CACNA1H: variants seen among roughly 807,000 people sequenced by gnomAD.
The protein encoded by CACNA1H is voltage-dependent T-type calcium channel subunit alpha-1H.
Under a neutral mutation model 192.5 loss-of-function variants are expected in CACNA1H, and 149 were observed. The observed-to-expected ratio is 0.77, with a 90% confidence interval of 0.68 to 0.89. The LOEUF (loss-of-function observed/expected upper bound fraction) is 0.89. CACNA1H is among the 40% of genes least tolerant of loss of function. The pLI is 0.00. For synonymous variants in CACNA1H, 2,202 were observed against 1,475.2 expected (o/e 1.49, Z -11.29); for missense variants, 4,257 against 3,423.5 (o/e 1.24, Z -6.08).
At position 1,167,803 on chromosome 16, in the gene CACNA1H, G is replaced by C. The variant is rs1963947990; in HGVS notation, c.299+13767G>C. ...CGGGACACCTGGAGCTGTGGCGCTGGTGTGTGCTTAGAAAGTGCACCTGCG... is the reference window on the plus strand; with the variant it reads ...CGGGACACCTGGAGCTGTGGCGCTGCTGTGTGCTTAGAAAGTGCACCTGCG... On this transcript the variant is annotated intron_variant, in intron 2 of 34. Transcript: ENST00000348261. This position sits in a 1 kb window ranked among gnomAD's most constrained non-coding sequence, Gnocchi z 4.2. 6.6e-6 allele frequency among the ~76,000 whole-genome samples: 1 copy of C among 152,224 alleles called. No individual in the cohort carries two copies. Among genetic ancestry groups the C allele is most frequent in the Non-Finnish European group, 1.5e-5 (1 of 68,038 alleles).
chr16:1,195,935 G>A lies in CACNA1H; in HGVS notation c.555G>A (p.Glu185=), dbSNP rs61700478. Residue 185 remains glutamate, a synonymous_variant, in exon 5 of 35, where the codon GAG becomes GAA. Coordinates refer to ENST00000348261, the MANE Select transcript of CACNA1H (RefSeq NM_021098.3). The part of the protein sequence containing the change: ...DFFIVVAGMM[E]YSLDGHNVSL... ...TCGGCCCCGCCCCCAGCATGATGGA[G>A]TACTCGTTGGACGGACACAACGTGA... 261 of 1,612,948 alleles carry A rather than the reference G, an allele frequency of 1.6e-4. No individual in the cohort carries two copies. The highest frequency in any genetic ancestry group is 5.5e-4 in the African/African-American group (41 of 75,036).
At chr16:1,215,981 C>T (rs983093963) in intron 30 of CACNA1H, among the ~76,000 whole-genome samples, 1 of 152,088 alleles carries the variant, frequency 6.6e-6, no homozygotes, top group Non-Finnish European at 1.5e-5. Flanking sequence ...CCCACATGGG[C>T]CCAGCCTCCC....
At chr16:1,191,706 C>T (rs376515320) in intron 2 of CACNA1H, among the ~76,000 whole-genome samples, 71 of 110,746 alleles carry the variant, frequency 6.4e-4, no homozygotes, top group Admixed American at 1.0e-3. Flanking sequence ...CAGGCACACT[C>T]GGGGTCTCTG....
chr16:1,185,145 A>G (rs956222529), intron 2 of CACNA1H, among the ~76,000 whole-genome samples: 2 of 152,066 alleles, frequency 1.3e-5, no homozygotes, highest in African/African-American at 2.4e-5. Context: ...TCCCAGCATC[A>G]TGTTCCCGGG....
intron 2 of CACNA1H, among the ~76,000 whole-genome samples, chr16:1,168,889 T>C (rs1283339592): frequency 2.0e-5 from 3 of 151,734 alleles, no homozygotes; most frequent in Non-Finnish European, 4.4e-5. Flanking sequence ...CCGCAGGGGG[T>C]GCCCCGCTCT....
intron 2 of CACNA1H, among the ~76,000 whole-genome samples, chr16:1,164,269 T>C (rs976911660): frequency 6.6e-6 from 1 of 152,120 alleles, no homozygotes; most frequent in African/African-American, 2.4e-5. Flanking sequence ...GTTGCAGGGG[T>C]GCAGTCCAAG....
At chr16:1,176,470 C>T (rs552732435) in intron 2 of CACNA1H, among the ~76,000 whole-genome samples, 1 of 152,350 alleles carries the variant, frequency 6.6e-6, no homozygotes, top group South Asian at 2.1e-4. Context: ...TCTCTTTCTG[C>T]AGGTGGGCAT....
chr16:1,157,348 T>C (rs1406446489), intron 2 of CACNA1H, among the ~76,000 whole-genome samples: 1 of 152,156 alleles, frequency 6.6e-6, no homozygotes, highest in African/African-American at 2.4e-5. Context: ...GGGAAGGATA[T>C]ATCAAGGTCA....
chr16:1,154,061 C>T (rs1452134251), intron 2 of CACNA1H, 25 bp downstream of exon 2: 818 of 53,562 alleles, frequency 0.015, 1 homozygote, highest in Admixed American at 0.022. Flanking sequence ...CGGCGGGGGG[C>T]GGGGGGCGGG....
chr16:1,218,675 T>A (rs753009982), intron 33 of CACNA1H, 24 bp downstream of exon 33: 121 of 1,284,212 alleles, frequency 9.4e-5, no homozygotes, highest in Non-Finnish European at 1.2e-4. Context: ...CAGGAAGATA[T>A]GGGCTGGGTG....
intron 12 of CACNA1H, 22 bp downstream of exon 12, chr16:1,206,311 G>A: frequency 6.5e-7 from 1 of 1,544,510 alleles, no homozygotes; most frequent in African/African-American, 1.4e-5. Context: ...CCCCCTCCCG[G>A]CCCGCCCAGT....
chr16:1,212,288 G>A (rs2141354578), intron 25 of CACNA1H, 150 bp downstream of exon 25: 1 of 1,293,258 alleles, frequency 7.7e-7, no homozygotes, highest in East Asian at 2.5e-5. Context: ...GGGCCTTGGA[G>A]GGGCTGGCCC....
chr16:1,211,407 C>T, intron 22 of CACNA1H, 74 bp from the exon 23 acceptor site: 2 of 1,607,506 alleles, frequency 1.2e-6, no homozygotes, highest in Non-Finnish European at 1.7e-6. Context: ...TCGGGCCTCA[C>T]TCGCGCCCCA....
At chr16:1,188,736 G>T (rs2151798265) in intron 2 of CACNA1H, among the ~76,000 whole-genome samples, 1 of 152,336 alleles carries the variant, frequency 6.6e-6, no homozygotes, top group Non-Finnish European at 1.5e-5. Flanking sequence ...ACGGGGGTCA[G>T]TGGAGCAGCT....
intron 18 of CACNA1H, 40 bp from the exon 19 acceptor site, chr16:1,210,330 G>GCCCCCCCCCCCCCCCCCCCCCCCCCC: frequency 7.1e-7 from 1 of 1,407,116 alleles, no homozygotes; most frequent in Non-Finnish European, 9.7e-7. Context: ...TGCCATCCAC[G>GCCCCCCCCCCCCCCCCCCCCCCCCCC]CCGCCCCGCC....
rs1463153192 is a variant in CACNA1H, at chr16:1,180,114, G to A, written c.300-14858G>A. Among the ~76,000 whole-genome samples the A allele has an allele frequency of 4.6e-5, 7 of 152,224 alleles. No individual in the cohort carries two copies. The highest frequency in any genetic ancestry group is 7.3e-5 in the Non-Finnish European group (5 of 68,048). On this transcript the variant is annotated intron_variant, in intron 2 of 34. Transcript: ENST00000348261. This position sits in a 1 kb window ranked among gnomAD's most constrained non-coding sequence, Gnocchi z 4.4. ...CTCTGCAGGCACAGGGCTGAGGGGCGTCGTGTGGATGGACGGCCAGCCCGT... is the reference window on the plus strand; with the variant it reads ...CTCTGCAGGCACAGGGCTGAGGGGCATCGTGTGGATGGACGGCCAGCCCGT...
rs181195411 is a variant in CACNA1H, at chr16:1,181,287, C to G, written c.300-13685C>G. Reference sequence around the variant, plus strand: ...GAGAGGAGCTCTCACCCGGCATGGCCGGCCCCTCCACCTCCCACTCCACTG... The same window carrying G: ...GAGAGGAGCTCTCACCCGGCATGGCGGGCCCCTCCACCTCCCACTCCACTG... On this transcript the variant is annotated intron_variant, in intron 2 of 34. Coordinates refer to ENST00000348261, the MANE Select transcript of CACNA1H (RefSeq NM_021098.3). 6.5e-3 allele frequency among the ~76,000 whole-genome samples: 984 copies of G among 152,346 alleles called. 8 individuals are homozygous for G. Among genetic ancestry groups the G allele is most frequent in the Non-Finnish European group, 0.011 (734 of 68,020 alleles).
intron 11 of CACNA1H, among the ~76,000 whole-genome samples, chr16:1,205,726 A>G (rs988572268): frequency 1.3e-5 from 2 of 152,190 alleles, no homozygotes; most frequent in Non-Finnish European, 2.9e-5. Flanking sequence ...CTCATCCCTC[A>G]AGAGTAGAGA....
rs60537026 is a variant in CACNA1H at position 1,201,875 on chromosome 16, C to T, written c.1425C>T (p.Ser475=). Residue 475 remains serine, a synonymous_variant, in exon 9 of 35, where the codon AGC becomes AGT. Coordinates refer to ENST00000348261, the MANE Select transcript of CACNA1H (RefSeq NM_021098.3). ...GHIFRKVKRR[S]LRLYARWQSR... ...TATTCCGCAAGGTCAAGCGGCGCAG[C>T]TTGCGCCTCTACGCCCGCTGGCAGA... 1.3e-4 allele frequency: 196 copies of T among 1,554,472 alleles called. No homozygotes were observed. In the African/African-American group the frequency reaches 2.5e-3, roughly 20 times the overall value.
Sources: allele counts gnomAD v4.1 joint callset (sites outside exome capture counted in the v4.1 genomes callset), GRCh38; gene constraint gnomAD v4.1.1; non-coding constraint Gnocchi (gnomAD v3.1); transcripts MANE v1.5; gene names NCBI Gene and HGNC (gene_info 2026-07-23, HGNC 2026-07-21).